Variants in CNTNAP2 observed in about 807,000 individuals in gnomAD.
CNTNAP2 encodes the protein contactin associated protein 2.
CNTNAP2 carries 98 observed loss-of-function variants against 155.2 expected under a neutral mutation model. That is an observed-to-expected ratio of 0.63 (90% CI 0.54 to 0.75). The LOEUF (loss-of-function observed/expected upper bound fraction) is 0.75, where lower values mean the gene tolerates loss of function less well. Among genes scored for constraint, CNTNAP2 ranks in the 30% least tolerant of loss-of-function variants. The pLI, the probability that CNTNAP2 is intolerant of heterozygous loss-of-function variation, is 0.00. For missense variants in CNTNAP2, 1,727 were observed against 1,688.1 expected (o/e 1.02, Z -0.40); for synonymous variants, 651 against 631.2 (o/e 1.03, Z -0.47).
intron 1 of CNTNAP2, among the ~76,000 whole-genome samples, chr7:146,735,734 CTG>C (rs1801607388): frequency 7.4e-6 from 1 of 135,238 alleles, no homozygotes; most frequent in Non-Finnish European, 1.5e-5. Flanking sequence ...GAGAATAGAA[CTG>C]TAGTTACTAG....
chr7:146,297,545 T>C (rs960721124), intron 1 of CNTNAP2, among the ~76,000 whole-genome samples: 2 of 151,988 alleles, frequency 1.3e-5, no homozygotes, highest in Non-Finnish European at 2.9e-5. Flanking sequence ...ATGTAAAGCA[T>C]ACAAAACTAG....
intron 3 of CNTNAP2, among the ~76,000 whole-genome samples, chr7:146,853,371 G>A (rs1794917362): frequency 6.6e-6 from 1 of 152,094 alleles, no homozygotes; most frequent in South Asian, 2.1e-4. Flanking sequence ...AACTGATTGT[G>A]AAATAAGACA....
At chr7:147,190,861 A>G (rs1476769698) in intron 8 of CNTNAP2, among the ~76,000 whole-genome samples, 2 of 152,286 alleles carry the variant, frequency 1.3e-5, no homozygotes, top group South Asian at 4.1e-4. Flanking sequence ...GAAAAATGTT[A>G]ACTGAACCGA....
In CNTNAP2 at chr7:146,149,046, G is replaced by A. The variant is rs182815789; in HGVS notation, c.97+32073G>A. ...GGGCCTGTTGTGGGGTGGGGGGATG[G>A]GGGAGGGAAGGCATTAGGAGATACA... On this transcript the variant is annotated intron_variant, in intron 1 of 23. Coordinates refer to ENST00000361727, the MANE Select transcript of CNTNAP2 (RefSeq NM_014141.6). 4.1e-3 allele frequency among the ~76,000 whole-genome samples: 625 copies of A among 151,976 alleles called. 4 individuals are homozygous for A. Among genetic ancestry groups the A allele is most frequent in the Middle Eastern group, 0.017 (5 of 294 alleles).
chr7:147,770,604 A>T (rs897603229), intron 13 of CNTNAP2, among the ~76,000 whole-genome samples: 1 of 152,170 alleles, frequency 6.6e-6, no homozygotes, highest in Non-Finnish European at 1.5e-5. Context: ...AGATTTTTTT[A>T]AAATATCTTC....
chr7:146,932,193 A>G (rs1318481763), intron 3 of CNTNAP2, among the ~76,000 whole-genome samples: 1 of 152,250 alleles, frequency 6.6e-6, no homozygotes, highest in Non-Finnish European at 1.5e-5. Context: ...CCTCAAAAAA[A>G]TATTGGCAAA....
intron 1 of CNTNAP2, among the ~76,000 whole-genome samples, chr7:146,364,424 ATTC>A (rs1293328000): frequency 6.6e-6 from 1 of 152,216 alleles, no homozygotes; most frequent in African/African-American, 2.4e-5. Context: ...CTACTCTAGT[ATTC>A]TTTTCACTGT....
intron 17 of CNTNAP2, 53 bp downstream of exon 17, chr7:148,147,762 GC>G: frequency 1.3e-6 from 2 of 1,482,920 alleles, no homozygotes; most frequent in Admixed American, 2.1e-5. Context: ...TTAAGAGCCT[GC>G]ACAATACAAA....
intron 12 of CNTNAP2, among the ~76,000 whole-genome samples, chr7:147,622,114 A>G (rs914951947): frequency 6.6e-6 from 1 of 152,002 alleles, no homozygotes; most frequent in Non-Finnish European, 1.5e-5. Flanking sequence ...TGCATTTAAC[A>G]GTGGAGTACC....
intron 3 of CNTNAP2, among the ~76,000 whole-genome samples, chr7:147,014,899 CTAAT>C (rs2129244709): frequency 6.6e-6 from 1 of 152,226 alleles, no homozygotes; most frequent in Admixed American, 6.5e-5. Flanking sequence ...GTTGACTGCT[CTAAT>C]TGAGATGCCT....
At chr7:148,280,985 G>C (rs1796965124) in intron 21 of CNTNAP2, among the ~76,000 whole-genome samples, 1 of 152,062 alleles carries the variant, frequency 6.6e-6, no homozygotes, top group African/African-American at 2.4e-5. Context: ...ACCTTCTTCT[G>C]TGGAGCCATT....
At chr7:147,365,204 G>C (rs903498139) in intron 9 of CNTNAP2, among the ~76,000 whole-genome samples, 7 of 151,852 alleles carry the variant, frequency 4.6e-5, no homozygotes, top group African/African-American at 1.7e-4. Flanking sequence ...AGGAGTTTGA[G>C]ACAAGCCTGG....
chr7:146,574,498 C>G (rs1251224180), intron 1 of CNTNAP2, among the ~76,000 whole-genome samples: 7 of 152,054 alleles, frequency 4.6e-5, no homozygotes, highest in African/African-American at 1.4e-4. Context: ...GTCAAGAGAT[C>G]AAGACCATTC....
At chr7:148,354,517 C>G (rs1219677894) in intron 21 of CNTNAP2, among the ~76,000 whole-genome samples, 1 of 152,020 alleles carries the variant, frequency 6.6e-6, no homozygotes, top group Non-Finnish European at 1.5e-5. Context: ...GACTGCCTGC[C>G]TCCTCCCTCC....
At chr7:147,411,551 T>C (rs1161837941) in intron 10 of CNTNAP2, among the ~76,000 whole-genome samples, 1 of 152,186 alleles carries the variant, frequency 6.6e-6, no homozygotes, top group Non-Finnish European at 1.5e-5. Flanking sequence ...AGACCCAGAC[T>C]CAAACATTCT....
At chr7:148,157,784 G>A (rs1306239646) in intron 17 of CNTNAP2, among the ~76,000 whole-genome samples, 1 of 152,124 alleles carries the variant, frequency 6.6e-6, no homozygotes, top group Non-Finnish European at 1.5e-5. Context: ...GATAGAAATA[G>A]GGAGTGATGT....
Position 147,143,559 on chromosome 7 carries a change from T to C in CNTNAP2, c.1348+11050T>C, listed in dbSNP as rs563927648. Reference sequence around the variant, plus strand: ...CTTACTTATGGCATGTTTCTAGATATCCAGTTGATTGATTTTTTTAATGTA... The same window carrying C: ...CTTACTTATGGCATGTTTCTAGATACCCAGTTGATTGATTTTTTTAATGTA... On this transcript the variant is annotated intron_variant, in intron 8 of 23. Transcript: ENST00000361727. 4.6e-5 allele frequency among the ~76,000 whole-genome samples: 7 copies of C among 152,242 alleles called. No homozygotes were observed. The East Asian group carries it at 1.2e-3, about 25-fold the overall frequency.
intron 19 of CNTNAP2, among the ~76,000 whole-genome samples, chr7:148,227,650 T>C (rs1433734394): frequency 1.3e-5 from 2 of 152,176 alleles, no homozygotes; most frequent in Non-Finnish European, 2.9e-5. Context: ...GGAATTTAGA[T>C]AGATTTAGGA....
intron 1 of CNTNAP2, among the ~76,000 whole-genome samples, chr7:146,363,184 C>T (rs1160228991): frequency 6.6e-6 from 1 of 152,102 alleles, no homozygotes; most frequent in Admixed American, 6.6e-5. Context: ...TTCTAATAAT[C>T]TTATGACATA....
Sources: allele counts gnomAD v4.1 joint callset (sites outside exome capture counted in the v4.1 genomes callset), GRCh38; gene constraint gnomAD v4.1.1; transcripts MANE v1.5; gene names NCBI Gene and HGNC (gene_info 2026-07-23, HGNC 2026-07-21).